The following ACTR3C variants were observed in gnomAD, a reference collection of about 807,000 sequenced individuals.
The protein encoded by ACTR3C is actin-related protein 3C.
In ACTR3C, 18 loss-of-function variants were observed where a neutral mutation model predicts 26.3. The ratio of observed to expected loss-of-function variants is 0.68; its 90% CI spans 0.47 to 1.01. ACTR3C has a LOEUF of 1.01. Among genes scored for constraint, ACTR3C ranks in the 50% least tolerant of loss-of-function variants. The pLI, the probability that ACTR3C is intolerant of heterozygous loss-of-function variation, is 0.00. For synonymous variants in ACTR3C, 55 were observed against 94.5 expected (o/e 0.58, Z 2.42); for missense variants, 184 against 250.7 (o/e 0.73, Z 1.80).
At chr7:150,009,138 A>G in the ACTR3C span, among the ~76,000 whole-genome samples, 1 of 152,234 alleles carries the variant, frequency 6.6e-6, no homozygotes, top group South Asian at 2.1e-4. Flanking sequence ...GCCCTAAAAG[A>G]TAGTCAAGGA....
chr7:150,267,113 T>A (rs570545029), intron 6 of ACTR3C, among the ~76,000 whole-genome samples: 56 of 152,280 alleles, frequency 3.7e-4, no homozygotes, highest in Non-Finnish European at 6.3e-4. Context: ...ACGGCTGACT[T>A]GTGGCACAGT....
chr7:149,982,681 T>G, the ACTR3C span, among the ~76,000 whole-genome samples: 1 of 151,994 alleles, frequency 6.6e-6, no homozygotes, highest in Non-Finnish European at 1.5e-5. Flanking sequence ...TCCAGGGCTG[T>G]GCTAAATGAA....
chr7:149,888,702 C>T, the ACTR3C span, among the ~76,000 whole-genome samples: 189 of 152,294 alleles, frequency 1.2e-3, no homozygotes, highest in Middle Eastern at 0.01. Context: ...CCTCATTTCT[C>T]CTTCTGCTCT....
rs752887474 is a variant in ACTR3C, at chr7:150,284,762, C to T, written c.555G>A (p.Pro185=). 1.7e-5 allele frequency: 28 copies of T among 1,611,560 alleles called. No homozygotes were observed. The highest frequency in any genetic ancestry group is 4.5e-5 in the East Asian group (2 of 44,820). Residue 185 remains proline (P), a synonymous_variant, in exon 6 of 8, where the codon CCG becomes CCA. Transcript: ENST00000683684. ...IQNCPIDVRR[P]LYKMEQIPLS... Reference sequence around the variant, plus strand: ...CCCATGCAGCTCATACCTTATACAGCGGACGCCGCACATCGATGGGGCAGT... The same window carrying T: ...CCCATGCAGCTCATACCTTATACAGTGGACGCCGCACATCGATGGGGCAGT...
the ACTR3C span, among the ~76,000 whole-genome samples, chr7:150,110,504 G>A: frequency 8.5e-6 from 1 of 117,748 alleles, no homozygotes; most frequent in African/African-American, 3.2e-5. Flanking sequence ...TGGAGGAGGT[G>A]GGGCTGCCTG....
chr7:150,025,583 T>C, the ACTR3C span, among the ~76,000 whole-genome samples: 2 of 152,072 alleles, frequency 1.3e-5, no homozygotes, highest in South Asian at 2.1e-4. Context: ...ACATAACTTA[T>C]GTGAAGGCTT....
At chr7:149,975,573 T>C in the ACTR3C span, among the ~76,000 whole-genome samples, 2 of 152,054 alleles carry the variant, frequency 1.3e-5, no homozygotes, top group Admixed American at 6.5e-5. Flanking sequence ...CTAAATAACA[T>C]AGAGAACAGA....
chr7:150,226,325 G>A, the ACTR3C span, among the ~76,000 whole-genome samples: 2 of 152,208 alleles, frequency 1.3e-5, no homozygotes, highest in African/African-American at 4.8e-5. Context: ...AACAATGAGT[G>A]ATTGCTCCTA....
the ACTR3C span, among the ~76,000 whole-genome samples, chr7:150,195,593 G>C: frequency 2.4e-4 from 34 of 143,742 alleles, 1 homozygote; most frequent in East Asian, 2.5e-3. Flanking sequence ...ATCACTTCAG[G>C]GGGGGCCAGG....
intron 1 of ACTR3C, among the ~76,000 whole-genome samples, chr7:150,305,219 C>T (rs535158393): frequency 5.9e-5 from 9 of 152,298 alleles, no homozygotes; most frequent in East Asian, 1.9e-4. Flanking sequence ...GCTGCATAAA[C>T]GGGCCCTTCC....
chr7:150,311,910 A>C (rs1441631927), intron 1 of ACTR3C, among the ~76,000 whole-genome samples: 1 of 152,212 alleles, frequency 6.6e-6, no homozygotes, highest in Non-Finnish European at 1.5e-5. Flanking sequence ...TGCTTTCCAC[A>C]GCCTCCATAA....
the ACTR3C span, among the ~76,000 whole-genome samples, chr7:149,975,208 T>C: frequency 6.6e-6 from 1 of 152,124 alleles, no homozygotes; most frequent in Non-Finnish European, 1.5e-5. Context: ...TCTTTTCTGA[T>C]CACAACAGAA....
At chr7:150,123,494 GCC>G in the ACTR3C span, among the ~76,000 whole-genome samples, 1 of 151,940 alleles carries the variant, frequency 6.6e-6, no homozygotes, top group Non-Finnish European at 1.5e-5. Context: ...CAACTTCCCA[GCC>G]TGGGACTATA....
Sources: gnomAD v4.1 joint callset for allele counts (sites outside exome capture counted in the v4.1 genomes callset) on GRCh38, gnomAD v4.1.1 for gene constraint, MANE v1.5 for transcripts, NCBI Gene and HGNC (gene_info 2026-07-23, HGNC 2026-07-21) for gene names.